The following SULT6B1 variants were observed in gnomAD, a reference collection of about 807,000 sequenced individuals.
SULT6B1 encodes sulfotransferase 6B1.
SULT6B1 carries 44 observed loss-of-function variants against 37.2 expected under a neutral mutation model. The observed-to-expected ratio is 1.18, with a 90% confidence interval of 0.93 to 1.52. The LOEUF is 1.52. Ranked by LOEUF, SULT6B1 falls within the 40% of genes most tolerant of loss-of-function variation. The pLI is 0.00. For missense variants in SULT6B1, 450 were observed against 361.0 expected (o/e 1.25, Z -2.00); for synonymous variants, 140 against 126.0 (o/e 1.11, Z -0.74).
chr2:37,168,893 G>C (rs924640670), intron 6 of SULT6B1, among the ~76,000 whole-genome samples: 1 of 152,062 alleles, frequency 6.6e-6, no homozygotes, highest in African/African-American at 2.4e-5. Flanking sequence ...TGAAATGTAC[G>C]TTAATAAAGA....
intron 5 of SULT6B1, among the ~76,000 whole-genome samples, chr2:37,172,362 C>A (rs1246166279): frequency 6.6e-6 from 1 of 152,144 alleles, no homozygotes; most frequent in Non-Finnish European, 1.5e-5. Context: ...TAACCTCCTC[C>A]CAAACCTCAA....
chr2:37,188,680 G>C, upstream of SULT6B1: 1 of 731,118 alleles, frequency 1.4e-6, no homozygotes, highest in Non-Finnish European at 2.4e-6. Flanking sequence ...TGGCTGTTCA[G>C]GGGGAGTGAT....
rs569983394 is a variant in SULT6B1, at chr2:37,170,204, G to C, written c.781+1230C>G. On this transcript the variant is annotated intron_variant, in intron 6 of 6. Transcript: ENST00000535679. ...TCATTGGCCAGGTGTGGTGGCTCAC[G>C]CCTGTAATCCCAGCACATTGGGAGG... Among the ~76,000 whole-genome samples the C allele has an allele frequency of 1.4e-4, 21 of 152,104 alleles. No individual in the cohort carries two copies. In the South Asian group the frequency reaches 4.4e-3, roughly 32 times the overall value.
chr2:37,176,815 T>C (rs531989599), intron 4 of SULT6B1, among the ~76,000 whole-genome samples: 1 of 152,272 alleles, frequency 6.6e-6, no homozygotes, highest in South Asian at 2.1e-4. Flanking sequence ...CCACATGAAA[T>C]GGTTCTGCCC....
In SULT6B1 at chr2:37,187,467, C is replaced by A; in HGVS notation, c.200G>T (p.Gly67Val). Reference sequence around the variant, plus strand: ...GACAATGTGGAGAATCCAGTTTGAACCTATCAGAAAAATCAGAGAATAAAA... The same window carrying A: ...GACAATGTGGAGAATCCAGTTTGAAACTATCAGAAAAATCAGAGAATAAAA... ...DIVLASYPKC[G>V]SNWILHIVSE... Residue 67 changes from glycine to valine, a missense_variant and splice_region_variant, in exon 2 of 7, where the codon GGT becomes GTT. Coordinates refer to ENST00000535679, the MANE Select transcript of SULT6B1 (RefSeq NM_001367551.1). 6.4e-7 allele frequency: 1 copy of A among 1,559,772 alleles called. No homozygotes were observed. Among genetic ancestry groups the A allele is most frequent in the South Asian group, 1.2e-5 (1 of 85,088 alleles).
At chr2:37,187,289 A>G in intron 2 of SULT6B1, 66 bp downstream of exon 2, 2 of 1,111,752 alleles carry the variant, frequency 1.8e-6, no homozygotes, top group Non-Finnish European at 2.7e-6. Context: ...AAACTAAAGA[A>G]TCTCCAAACC....
chr2:37,170,728 A>G (rs1315694448), intron 6 of SULT6B1, among the ~76,000 whole-genome samples: 1 of 116,354 alleles, frequency 8.6e-6, no homozygotes, highest in African/African-American at 3.4e-5. Context: ...ACACAGCAAG[A>G]TTCTGTCTCA....
chr2:37,177,699 G>C (rs1013195940), intron 4 of SULT6B1, among the ~76,000 whole-genome samples: 1 of 152,146 alleles, frequency 6.6e-6, no homozygotes, highest in Non-Finnish European at 1.5e-5. Context: ...TTCGTTAAAA[G>C]AATAGATTTT....
intron 6 of SULT6B1, 146 bp from the exon 7 acceptor site, chr2:37,168,211 A>G: frequency 3.8e-6 from 3 of 781,710 alleles, no homozygotes; most frequent in Non-Finnish European, 5.5e-6. Context: ...TTTTTTTCAG[A>G]CGGTGTCTCG....
intron 1 of SULT6B1, among the ~76,000 whole-genome samples, chr2:37,194,906 TTCCTTCCTTCCTTCCTTCCTTCC>T (rs1676873175): frequency 3.9e-4 from 10 of 25,628 alleles, no homozygotes; most frequent in African/African-American, 1.8e-3. Flanking sequence ...CTTTCCTTCC[TTCCTTCCTTCCTTCCTTCCTTCC>T]TTCCTTCCTT....
intron 4 of SULT6B1, 67 bp downstream of exon 4, chr2:37,179,391 A>T (rs1347157750): frequency 1.9e-6 from 3 of 1,592,122 alleles, no homozygotes; most frequent in Non-Finnish European, 2.6e-6. Flanking sequence ...CCTAAAACAC[A>T]TTTGGGTTTT....
chr2:37,188,754 A>G (rs1049332146), upstream of SULT6B1: 27 of 525,312 alleles, frequency 5.1e-5, no homozygotes, highest in African/African-American at 4.6e-4. Flanking sequence ...TGAAAAAGAA[A>G]TCATTTAATT....
intron 1 of SULT6B1, 33 bp downstream of exon 1, chr2:37,188,409 A>C: frequency 6.3e-7 from 1 of 1,577,012 alleles, no homozygotes; most frequent in Non-Finnish European, 8.7e-7. Flanking sequence ...TCACTATGAG[A>C]AGTGTACTTG....
chr2:37,171,588 A>G lies in SULT6B1; in HGVS notation c.627T>C (p.Asn209=), dbSNP rs754140565. Residue 209 remains asparagine, a splice_region_variant and synonymous_variant, in exon 6 of 7, where the codon AAT becomes AAC. Transcript: ENST00000535679. ...KFILYEDLKE[N]LAAGIKQIAE... ...CAATCTGTTTTATTCCAGCAGCCAGATTCTGTAAAAAAATTTTCTTAAAGA... is the reference window on the plus strand; with the variant it reads ...CAATCTGTTTTATTCCAGCAGCCAGGTTCTGTAAAAAAATTTTCTTAAAGA... 4 of 1,609,818 alleles carry G rather than the reference A, an allele frequency of 2.5e-6. No homozygotes were observed. Among genetic ancestry groups the G allele is most frequent in the Admixed American group, 3.4e-5 (2 of 58,740 alleles).
upstream of SULT6B1, among the ~76,000 whole-genome samples, chr2:37,193,238 T>C (rs1177188063): frequency 1.3e-5 from 2 of 151,586 alleles, no homozygotes; most frequent in Non-Finnish European, 2.9e-5. Flanking sequence ...GGCGGATTGC[T>C]TGAGCTCAGG....
At chr2:37,184,703 A>G (rs1384724582) in intron 2 of SULT6B1, among the ~76,000 whole-genome samples, 1 of 152,164 alleles carries the variant, frequency 6.6e-6, no homozygotes, top group Non-Finnish European at 1.5e-5. Flanking sequence ...GTGGTGGTGC[A>G]CACCTGTAGT....
At position 37,186,668 on chromosome 2, in the gene SULT6B1, G is replaced by C. The variant is rs539723942; in HGVS notation, c.312+687C>G. 6.6e-5 allele frequency among the ~76,000 whole-genome samples: 10 copies of C among 152,068 alleles called. 1 individual carries two copies. In the South Asian group the frequency reaches 2.1e-3, roughly 32 times the overall value. On this transcript the variant is annotated intron_variant, in intron 2 of 6. Coordinates refer to ENST00000535679, the MANE Select transcript of SULT6B1 (RefSeq NM_001367551.1). ...GCACTTTGGGAGGCCGAGGTGGGAG[G>C]ATCACTTGAGCCCAGGAGTTCATGA...
chr2:37,193,387 G>A (rs953963421), upstream of SULT6B1, among the ~76,000 whole-genome samples: 1 of 151,936 alleles, frequency 6.6e-6, no homozygotes, highest in East Asian at 1.9e-4. Flanking sequence ...GCTTGAATCC[G>A]GGAGGCAGGG....
intron 5 of SULT6B1, among the ~76,000 whole-genome samples, chr2:37,172,955 T>A (rs982238707): frequency 2.0e-5 from 3 of 151,472 alleles, no homozygotes; most frequent in African/African-American, 7.3e-5. Context: ...TGGGTTCAAG[T>A]GAGTCTCCTG....
Sources: gnomAD v4.1 joint callset for allele counts (sites outside exome capture counted in the v4.1 genomes callset) on GRCh38, gnomAD v4.1.1 for gene constraint, MANE v1.5 for transcripts, NCBI Gene and HGNC (gene_info 2026-07-23, HGNC 2026-07-21) for gene names.